The following SRSF1 variants were observed in gnomAD, a reference collection of about 807,000 sequenced individuals.
SRSF1 encodes serine and arginine rich splicing factor 1.
SRSF1 carries 1 observed loss-of-function variant against 25.9 expected under a neutral mutation model. That is an observed-to-expected ratio of 0.04 (90% CI 0.01 to 0.18). SRSF1 has a LOEUF of 0.18. SRSF1 is among the 10% of genes least tolerant of loss of function. The pLI is 1.00. For missense variants in SRSF1, 65 were observed against 350.5 expected (o/e 0.19, Z 6.50); for synonymous variants, 132 against 126.2 (o/e 1.05, Z -0.31).
At chr17:57,996,451 T>C (rs1270397765), downstream of SRSF1, among the ~76,000 whole-genome samples, 1 of 113,968 alleles carries the variant, frequency 8.8e-6, no homozygotes, top group Non-Finnish European at 1.6e-5. Context: ...GCCACTGCAC[T>C]CCAGCCCAGG....
In SRSF1 at chr17:58,001,760, G is replaced by A. The variant is rs959659064; in HGVS notation, c.*3646C>T. Among the ~76,000 whole-genome samples the A allele has an allele frequency of 1.3e-5, 2 of 152,150 alleles. No homozygotes were observed. The highest frequency in any genetic ancestry group is 1.3e-4 in the Admixed American group (2 of 15,274). ...CCATTTTCTGAGACTATAAATAGGA[G>A]CAGTCCATACTTCCCATCACAGCTT... On this transcript the variant is annotated 3_prime_UTR_variant, in exon 4 of 4. Coordinates refer to ENST00000258962, the MANE Select transcript of SRSF1 (RefSeq NM_006924.5).
chr17:57,997,965 A>G (rs984743026), downstream of SRSF1, among the ~76,000 whole-genome samples: 1 of 152,316 alleles, frequency 6.6e-6, no homozygotes, highest in South Asian at 2.1e-4. Context: ...CTGTATTCCC[A>G]GCACTTTGGG....
At chr17:57,998,576 T>C (rs2075373539), downstream of SRSF1, among the ~76,000 whole-genome samples, 1 of 152,178 alleles carries the variant, frequency 6.6e-6, no homozygotes, top group African/African-American at 2.4e-5. Flanking sequence ...AAAAGTTATT[T>C]AAAAATTATC....
At position 58,007,199 on chromosome 17, in the gene SRSF1, A is replaced by C; in HGVS notation, c.-62T>G. The stretch of plus-strand genomic sequence containing the variant: ...TCCCACCAAGCCTAGCGCACGGCAG[A>C]GCGAGCCCGCAGCGGCACCACGTCT... On this transcript the variant is annotated 5_prime_UTR_variant, in exon 1 of 4. Coordinates refer to ENST00000258962, the MANE Select transcript of SRSF1 (RefSeq NM_006924.5). The C allele has an allele frequency of 6.3e-7, 1 of 1,587,440 alleles. No individual in the cohort carries two copies. Among genetic ancestry groups the C allele is most frequent in the Non-Finnish European group, 8.6e-7 (1 of 1,164,248 alleles).
At chr17:57,992,710 T>G in the SRSF1 span, 1 of 152,192 alleles carries the variant, frequency 6.6e-6, no homozygotes, top group Non-Finnish European at 1.5e-5. Context: ...TGGCCAGATG[T>G]TCTTGTGAAG....
At position 58,005,547 on chromosome 17, in the gene SRSF1, A is replaced by G. The variant is rs142072157; in HGVS notation, c.606T>C (p.Tyr202=). Residue 202 remains tyrosine, a synonymous_variant, in exon 4 of 4, where the codon TAT becomes TAC. Coordinates refer to ENST00000258962, the MANE Select transcript of SRSF1 (RefSeq NM_006924.5). The surrounding 1 kb of genome is among the most constrained non-coding windows in gnomAD (Gnocchi z 5.2). ...VKVDGPRSPS[Y]GRSRSRSRSR... ...TACGGCTTCGAGATCGAGATCTTCC[A>G]TAACTTGGACTTCTGGGCCCATCAA... The G allele has an allele frequency of 5.0e-6, 8 of 1,614,182 alleles. No homozygotes were observed. The highest frequency in any genetic ancestry group is 2.2e-5 in the East Asian group (1 of 44,884).
At chr17:57,997,909 T>G (rs146986370), downstream of SRSF1, among the ~76,000 whole-genome samples, 412 of 152,316 alleles carry the variant, frequency 2.7e-3, 3 homozygotes, top group African/African-American at 9.3e-3. Context: ...CATTTTACAT[T>G]TCTAGCCTTA....
the SRSF1 span, chr17:57,992,066 A>ATG: frequency 6.6e-6 from 1 of 152,240 alleles, no homozygotes; most frequent in Non-Finnish European, 1.5e-5. Context: ...ATGGAAACAC[A>ATG]TTTATCACCT....
At chr17:57,989,468 T>TC in the SRSF1 span, 1 of 397,602 alleles carries the variant, frequency 2.5e-6, no homozygotes. Context: ...CCTCCATTTA[T>TC]CCCCCTCCAG....
the SRSF1 span, chr17:57,989,044 A>G: frequency 1.1e-5 from 4 of 367,316 alleles, no homozygotes; most frequent in Non-Finnish European, 1.9e-5. Flanking sequence ...GAGATAGTAT[A>G]GACAAATTAT....
the SRSF1 span, chr17:57,990,769 C>T: frequency 6.6e-6 from 1 of 152,156 alleles, no homozygotes; most frequent in Non-Finnish European, 1.5e-5. Context: ...GCATCTAAGC[C>T]AAAAATACAA....
downstream of SRSF1, among the ~76,000 whole-genome samples, chr17:58,000,056 A>G (rs1197246906): frequency 6.6e-6 from 1 of 152,144 alleles, no homozygotes; most frequent in African/African-American, 2.4e-5. Context: ...AAATGTTGTA[A>G]ATTACAAATG....
chr17:58,006,817 G>T, intron 1 of SRSF1, 127 bp downstream of exon 1: 1 of 1,183,256 alleles, frequency 8.5e-7, no homozygotes, highest in Non-Finnish European at 1.2e-6. Context: ...CTCCTGCATG[G>T]GCGATACAGT....
chr17:57,997,312 A>C (rs1459562577), downstream of SRSF1, among the ~76,000 whole-genome samples: 1 of 152,184 alleles, frequency 6.6e-6, no homozygotes, highest in Non-Finnish European at 1.5e-5. Flanking sequence ...ATTAGTATTA[A>C]AATACCTTCT....
chr17:57,996,067 A>AG (rs1391186291), downstream of SRSF1, among the ~76,000 whole-genome samples: 2 of 152,356 alleles, frequency 1.3e-5, no homozygotes, highest in African/African-American at 4.8e-5. Flanking sequence ...ACAGTGTCTC[A>AG]GATTTAAGCT....
Position 58,004,403 on chromosome 17 carries a change from A to G in SRSF1, c.*1003T>C, listed in dbSNP as rs142446771. ...TTTTAAACATATGAACCAATTATGA[A>G]TATTAGTTTAAAGGGGAAGGTGAGA... On this transcript the variant is annotated 3_prime_UTR_variant, in exon 4 of 4. Transcript: ENST00000258962. 14 of 152,732 alleles carry G rather than the reference A, an allele frequency of 9.2e-5. No homozygotes were observed. The East Asian group carries it at 2.1e-3, about 23-fold the overall frequency. 9.5% of individuals were successfully genotyped at this position (152,732 alleles called of 1,614,324 possible). A position where few individuals can be genotyped will look rare whatever the true frequency, so the allele number is the denominator to read the frequency against.
chr17:58,005,392 T>C lies in SRSF1; in HGVS notation c.*14A>G, dbSNP rs1567748741. ...TATACAACATGGGTTCTACAAAAAG[T>C]GTCACCAATCATCTTATGTACGAGA... On this transcript the variant is annotated 3_prime_UTR_variant, in exon 4 of 4. Coordinates refer to ENST00000258962, the MANE Select transcript of SRSF1 (RefSeq NM_006924.5). This position sits in a 1 kb window ranked among gnomAD's most constrained non-coding sequence, Gnocchi z 5.2. The C allele has an allele frequency of 6.2e-7, 1 of 1,612,256 alleles. No homozygotes were observed. Among genetic ancestry groups the C allele is most frequent in the Non-Finnish European group, 8.5e-7 (1 of 1,178,312 alleles).
At chr17:57,997,989 C>A (rs913630193), downstream of SRSF1, among the ~76,000 whole-genome samples, 1 of 152,070 alleles carries the variant, frequency 6.6e-6, no homozygotes, top group Non-Finnish European at 1.5e-5. Flanking sequence ...CCGAGGCGGG[C>A]GGATCACTTG....
the SRSF1 span, chr17:57,989,425 T>C: frequency 0.015 from 5,972 of 397,678 alleles, 323 homozygotes; most frequent in African/African-American, 0.11. Flanking sequence ...TTTTAAGACT[T>C]TAACATTTTC....
Sources: gnomAD v4.1 joint callset for allele counts (sites outside exome capture counted in the v4.1 genomes callset) on GRCh38, gnomAD v4.1.1 for gene constraint, Gnocchi (gnomAD v3.1) non-coding constraint, MANE v1.5 for transcripts, NCBI Gene and HGNC (gene_info 2026-07-23, HGNC 2026-07-21) for gene names.